The following ERCC1 variants were observed in gnomAD, a reference collection of about 807,000 sequenced individuals.
The protein encoded by ERCC1 is DNA excision repair protein ERCC-1.
ERCC1 carries 36 observed loss-of-function variants against 37.6 expected under a neutral mutation model. The ratio of observed to expected loss-of-function variants is 0.96; its 90% confidence interval spans 0.73 to 1.26. The LOEUF is 1.26. Ranked by LOEUF, ERCC1 falls within the 50% of genes most tolerant of loss-of-function variation. The probability of loss-of-function intolerance (pLI) is 0.00; values close to 1 mark genes in which losing one functional copy is unlikely to be tolerated. For synonymous variants in ERCC1, 156 were observed against 162.1 expected (o/e 0.96, Z 0.28); for missense variants, 349 against 376.5 (o/e 0.93, Z 0.60).
At chr19:45,437,780 T>A (rs186239251) in intron 1 of ERCC1, among the ~76,000 whole-genome samples, 96 of 152,350 alleles carry the variant, frequency 6.3e-4, no homozygotes, top group African/African-American at 2.2e-3. Context: ...ATTTCAGTGA[T>A]CTATTGCACA....
chr19:45,439,475 A>G (rs1975062271), intron 1 of ERCC1, among the ~76,000 whole-genome samples: 1 of 152,212 alleles, frequency 6.6e-6, no homozygotes, highest in Non-Finnish European at 1.5e-5. Context: ...AGGTAGCAGG[A>G]TCGCTTGAGC....
At chr19:45,439,154 C>T (rs1320771548) in intron 1 of ERCC1, among the ~76,000 whole-genome samples, 4 of 152,018 alleles carry the variant, frequency 2.6e-5, no homozygotes, top group Admixed American at 1.3e-4. Flanking sequence ...CCACTGCACT[C>T]CAGCCTGGGC....
At position 45,421,344 on chromosome 19, in the gene ERCC1, G is replaced by A. The variant is rs149666093; in HGVS notation, c.155C>T (p.Ser52Leu). 11 of 1,613,852 alleles carry A rather than the reference G, an allele frequency of 6.8e-6. No homozygotes were observed. The African/African-American group carries it at 8.0e-5, about 12-fold the overall frequency. Reference protein sequence around the residue: ...STQSLPTVDTSAQAAPQTYAE... With the variant: ...STQSLPTVDTLAQAAPQTYAE... ...GTAGGTCTGAGGGGCCGCCTGGGCCGAGGTGTCCACAGTGGGAAGGCTCTG... is the reference window on the plus strand; with the variant it reads ...GTAGGTCTGAGGGGCCGCCTGGGCCAAGGTGTCCACAGTGGGAAGGCTCTG... The change falls in exon 3 of 10, where the codon TCG becomes TTG. Residue 52 changes from serine (S) to leucine (L), a missense_variant. Transcript: ENST00000300853.
chr19:45,422,423 C>T (rs926265269), intron 2 of ERCC1, among the ~76,000 whole-genome samples: 2 of 152,058 alleles, frequency 1.3e-5, no homozygotes, highest in Admixed American at 6.6e-5. Context: ...ACCTCTTTCA[C>T]GTCTCTACCA....
chr19:45,432,128 C>T (rs1325577374), intron 1 of ERCC1, among the ~76,000 whole-genome samples: 1 of 151,876 alleles, frequency 6.6e-6, no homozygotes, highest in Non-Finnish European at 1.5e-5. Flanking sequence ...TGTGCCGCCA[C>T]ACCGGGCTAA....
chr19:45,407,384 T>C lies in ERCC1; in HGVS notation c.*2291A>G. ...GAAACTACTCCTTTACAGAGTAGAG[T>C]GTCCTCAGAAAGCAGGGGGAGAAAC... On this transcript the variant is annotated 3_prime_UTR_variant, in exon 10 of 10. Transcript: ENST00000300853. The C allele has an allele frequency of 2.9e-6, 2 of 694,526 alleles. No individual in the cohort carries two copies. Among genetic ancestry groups the C allele is most frequent in the Non-Finnish European group, 4.7e-6 (2 of 428,894 alleles). 43.0% of individuals were successfully genotyped at this position (694,526 alleles called of 1,614,324 possible).
At position 45,408,979 on chromosome 19, in the gene ERCC1, G is replaced by C. The variant is rs756925223; in HGVS notation, c.*696C>G. 5 of 1,614,088 alleles carry C rather than the reference G, an allele frequency of 3.1e-6. No individual in the cohort carries two copies. The Admixed American group carries it at 8.3e-5, about 27-fold the overall frequency. On this transcript the variant is annotated 3_prime_UTR_variant, in exon 10 of 10. Transcript: ENST00000300853. Reference sequence around the variant, plus strand: ...AGAGGAAAAAAGAAAAGGGACAGATGGCAATGATGGAGCCAGGGACGGAGG... The same window carrying C: ...AGAGGAAAAAAGAAAAGGGACAGATCGCAATGATGGAGCCAGGGACGGAGG...
At position 45,408,111 on chromosome 19, in the gene ERCC1, C is replaced by T; in HGVS notation, c.*1564G>A. 6.4e-7 allele frequency: 1 copy of T among 1,571,836 alleles called. No individual in the cohort carries two copies. The highest frequency in any genetic ancestry group is 8.7e-7 in the Non-Finnish European group (1 of 1,155,452). On this transcript the variant is annotated 3_prime_UTR_variant, in exon 10 of 10. Coordinates refer to ENST00000300853, the MANE Select transcript of ERCC1 (RefSeq NM_001983.4). ...CTCTCCTGTTCCACTTAAGCCTCTG[C>T]CCTCCCTGTTTCTCTCTGTAGCTTC...
chr19:45,439,389 AAATAATAATAGTAGTT>A (rs1975060289), intron 1 of ERCC1, among the ~76,000 whole-genome samples: 2 of 152,016 alleles, frequency 1.3e-5, no homozygotes, highest in South Asian at 4.2e-4. Flanking sequence ...AGATTTAAAA[AAATAATAATAGTAGTT>A]AATAATAATA....
At chr19:45,413,633 C>T (rs1479722299) in intron 9 of ERCC1, 44 bp downstream of exon 9, 1 of 1,614,198 alleles carries the variant, frequency 6.2e-7, no homozygotes, top group Admixed American at 1.7e-5. Context: ...ATTTGGGGCT[C>T]TCTCCTTCCC....
At position 45,420,911 on chromosome 19, in the gene ERCC1, A is replaced by AC. The variant is rs1974378000; in HGVS notation, c.321+266dup. On this transcript the variant is annotated intron_variant, in intron 3 of 9. Transcript: ENST00000300853. This position sits in a 1 kb window ranked among gnomAD's most constrained non-coding sequence, Gnocchi z 4.8. ...AGTGCTGGGATTACAGGTGTGAGCCACCACACCCAGCCTCATTCAGTACAT... is the reference window on the plus strand; with the variant it reads ...AGTGCTGGGATTACAGGTGTGAGCCACCCACACCCAGCCTCATTCAGTACAT... Among the ~76,000 whole-genome samples the AC allele has an allele frequency of 2.0e-5, 3 of 152,142 alleles. No individual in the cohort carries two copies. The highest frequency in any genetic ancestry group is 7.2e-5 in the African/African-American group (3 of 41,424).
In ERCC1 at chr19:45,408,517, G is replaced by C; in HGVS notation, c.*1158C>G. 6.2e-7 allele frequency: 1 copy of C among 1,614,080 alleles called. No individual in the cohort carries two copies. The highest frequency in any genetic ancestry group is 8.5e-7 in the Non-Finnish European group (1 of 1,180,012). On this transcript the variant is annotated 3_prime_UTR_variant, in exon 10 of 10. Coordinates refer to ENST00000300853, the MANE Select transcript of ERCC1 (RefSeq NM_001983.4). ...AGAAAAAGGAGATGCAGGTGACAGAGGCCCCAGTCACTCAGGAGGCAGTGA... is the reference window on the plus strand; with the variant it reads ...AGAAAAAGGAGATGCAGGTGACAGACGCCCCAGTCACTCAGGAGGCAGTGA...
chr19:45,437,178 G>A (rs1975002845), intron 1 of ERCC1, among the ~76,000 whole-genome samples: 1 of 152,118 alleles, frequency 6.6e-6, no homozygotes, highest in Non-Finnish European at 1.5e-5. Context: ...GAACCCAGGA[G>A]GCAGAGGTTG....
chr19:45,434,391 T>TA (rs1453375023), intron 1 of ERCC1, among the ~76,000 whole-genome samples: 1 of 150,246 alleles, frequency 6.7e-6, no homozygotes, highest in Non-Finnish European at 1.5e-5. Flanking sequence ...CTCGGGAGGC[T>TA]AAGGTGGGAG....
intron 1 of ERCC1, among the ~76,000 whole-genome samples, chr19:45,446,702 T>C (rs536665557): frequency 4.9e-4 from 74 of 152,104 alleles, no homozygotes; most frequent in African/African-American, 1.6e-3. Context: ...GGAGCCGGTG[T>C]AGAAAGTAGG....
chr19:45,426,544 T>G (rs1396699680), upstream of ERCC1, among the ~76,000 whole-genome samples: 5 of 141,984 alleles, frequency 3.5e-5, no homozygotes, highest in East Asian at 6.2e-4. Flanking sequence ...AGAGTGAAAC[T>G]CCATCTCAAA....
At position 45,409,436 on chromosome 19, in the gene ERCC1, T is replaced by C. The variant is rs2123435439; in HGVS notation, c.*239A>G. The C allele has an allele frequency of 5.6e-6, 9 of 1,612,648 alleles. No individual in the cohort carries two copies. The highest frequency in any genetic ancestry group is 7.6e-6 in the Non-Finnish European group (9 of 1,179,876). On this transcript the variant is annotated 3_prime_UTR_variant, in exon 10 of 10. Transcript: ENST00000300853. ...GCCAGGGCCGCCACTGAATTCAGAG[T>C]CTGGGGAGGAGGCTCCCACAGGCCG...
At position 45,408,986 on chromosome 19, in the gene ERCC1, A is replaced by C; in HGVS notation, c.*689T>G. The C allele has an allele frequency of 2.5e-6, 4 of 1,614,094 alleles. No individual in the cohort carries two copies. The highest frequency in any genetic ancestry group is 3.4e-6 in the Non-Finnish European group (4 of 1,180,020). ...AAAAGAAAAGGGACAGATGGCAATGATGGAGCCAGGGACGGAGGCGATGGA... is the reference window on the plus strand; with the variant it reads ...AAAAGAAAAGGGACAGATGGCAATGCTGGAGCCAGGGACGGAGGCGATGGA... On this transcript the variant is annotated 3_prime_UTR_variant, in exon 10 of 10. Transcript: ENST00000300853.
intron 5 of ERCC1, 91 bp from the exon 6 acceptor site, chr19:45,416,988 TA>T: frequency 1.1e-6 from 1 of 920,228 alleles, no homozygotes; most frequent in Non-Finnish European, 1.8e-6. Context: ...TCCCAGCTAC[TA>T]GGGAAGCTGA....
Sources: allele counts gnomAD v4.1 joint callset (sites outside exome capture counted in the v4.1 genomes callset), GRCh38; gene constraint gnomAD v4.1.1; non-coding constraint Gnocchi (gnomAD v3.1); transcripts MANE v1.5; gene names NCBI Gene and HGNC (gene_info 2026-07-23, HGNC 2026-07-21).